The following KIAA0825 variants were observed in gnomAD, a reference collection of about 807,000 sequenced individuals.
KIAA0825 encodes KIAA0825.
KIAA0825 carries 119 observed loss-of-function variants against 147.6 expected under a neutral mutation model. The observed-to-expected ratio is 0.81, with a 90% CI of 0.69 to 0.94. KIAA0825 has a LOEUF of 0.94. Among genes scored for constraint, KIAA0825 ranks in the 40% least tolerant of loss-of-function variants. The pLI, the probability that KIAA0825 is intolerant of heterozygous loss-of-function variation, is 0.00. For missense variants in KIAA0825, 1,381 were observed against 1,472.7 expected (o/e 0.94, Z 1.02); for synonymous variants, 470 against 518.1 (o/e 0.91, Z 1.26).
chr5:94,216,403 T>C (rs1333752975), intron 20 of KIAA0825, among the ~76,000 whole-genome samples: 2 of 152,134 alleles, frequency 1.3e-5, no homozygotes, highest in Admixed American at 6.5e-5. Context: ...GAGAGAAACA[T>C]TGTTGGAAGC....
At chr5:94,157,246 C>G (rs1307977089) in intron 20 of KIAA0825, among the ~76,000 whole-genome samples, 4 of 152,072 alleles carry the variant, frequency 2.6e-5, no homozygotes, top group African/African-American at 9.7e-5. Context: ...TGAATTCCCC[C>G]ACCTGCCTAC....
At chr5:94,362,172 C>A (rs180851613) in intron 20 of KIAA0825, among the ~76,000 whole-genome samples, 63 of 152,256 alleles carry the variant, frequency 4.1e-4, no homozygotes, top group African/African-American at 1.5e-3. Flanking sequence ...CTACATAGGT[C>A]CTGCAATTGC....
intron 20 of KIAA0825, among the ~76,000 whole-genome samples, chr5:94,185,707 C>T (rs1167738341): frequency 6.6e-6 from 1 of 152,046 alleles, no homozygotes. Context: ...TATAAAAATT[C>T]CTAGTTCCAG....
intron 20 of KIAA0825, among the ~76,000 whole-genome samples, chr5:94,305,491 G>A (rs565014984): frequency 1.3e-5 from 2 of 151,916 alleles, no homozygotes; most frequent in African/African-American, 4.8e-5. Flanking sequence ...AGGGTTTCAC[G>A]ATGTAAAATG....
intron 20 of KIAA0825, among the ~76,000 whole-genome samples, chr5:94,328,279 A>G (rs993975290): frequency 2.6e-5 from 4 of 152,170 alleles, no homozygotes; most frequent in Non-Finnish European, 5.9e-5. Context: ...TTACTAATTT[A>G]TGTGTAATTA....
chr5:94,584,708 C>T (rs1421922332), intron 1 of KIAA0825, among the ~76,000 whole-genome samples: 2 of 151,980 alleles, frequency 1.3e-5, no homozygotes, highest in African/African-American at 4.8e-5. Flanking sequence ...AGATACTCCT[C>T]GAGAAGAGCA....
At chr5:94,187,409 T>G (rs1234818589) in intron 20 of KIAA0825, among the ~76,000 whole-genome samples, 6 of 149,234 alleles carry the variant, frequency 4.0e-5, no homozygotes, top group Non-Finnish European at 7.4e-5. Flanking sequence ...GGAGTTTTTT[T>G]TTTTTTTTTT....
chr5:94,525,488 A>G (rs1769095596), intron 3 of KIAA0825, among the ~76,000 whole-genome samples: 1 of 151,940 alleles, frequency 6.6e-6, no homozygotes, highest in Non-Finnish European at 1.5e-5. Context: ...CTCTGGCCAC[A>G]GGCCACTCAA....
Position 94,417,249 on chromosome 5 carries a change from T to A in KIAA0825, c.2614A>T (p.Ser872Cys). 6.4e-7 allele frequency: 1 copy of A among 1,551,070 alleles called. No individual in the cohort carries two copies. The highest frequency in any genetic ancestry group is 8.7e-7 in the Non-Finnish European group (1 of 1,146,582). ...CATAATTGCTCTTCTTCCATGTAGCTCACAAAAACGTTTGCAAATGTTTGT... is the reference window on the plus strand; with the variant it reads ...CATAATTGCTCTTCTTCCATGTAGCACACAAAAACGTTTGCAAATGTTTGT... ...SPQTFANVFV[S>C]YMEEEQLWDF... is the part of the protein sequence containing the mutation. The change falls in exon 15 of 21, where the codon AGC (serine) becomes TGC (cysteine). Residue 872 changes from serine to cysteine, a missense_variant. By Grantham distance (112) the Ser-to-Cys change is moderately radical (BLOSUM62 -1). Coordinates refer to ENST00000682413, the MANE Select transcript of KIAA0825 (RefSeq NM_001145678.3).
At chr5:94,396,555 C>A in intron 16 of KIAA0825, 46 bp from the exon 17 acceptor site, 2 of 1,410,186 alleles carry the variant, frequency 1.4e-6, no homozygotes, top group South Asian at 3.0e-5. Flanking sequence ...CATTTGCGTT[C>A]AATCACTGCA....
At chr5:94,589,556 T>G (rs1257056803) in intron 1 of KIAA0825, among the ~76,000 whole-genome samples, 1 of 152,224 alleles carries the variant, frequency 6.6e-6, no homozygotes, top group African/African-American at 2.4e-5. Flanking sequence ...ATAATTTCAC[T>G]TATTGAGGTC....
intron 3 of KIAA0825, among the ~76,000 whole-genome samples, chr5:94,532,825 T>TAA (rs61008891): frequency 2.2e-5 from 3 of 136,524 alleles, no homozygotes; most frequent in African/African-American, 2.7e-5. Context: ...TTCTTTAGAT[T>TAA]AAAAAAAAAA....
At chr5:94,345,596 A>T (rs1782890453) in intron 20 of KIAA0825, among the ~76,000 whole-genome samples, 1 of 152,180 alleles carries the variant, frequency 6.6e-6, no homozygotes, top group South Asian at 2.1e-4. Context: ...AATTTTCAGG[A>T]TTAAAAGTTT....
chr5:94,228,600 A>G (rs1489641976), intron 20 of KIAA0825, among the ~76,000 whole-genome samples: 2 of 152,158 alleles, frequency 1.3e-5, no homozygotes, highest in African/African-American at 4.8e-5. Flanking sequence ...ACTAAGTCAC[A>G]TGACCACATC....
Position 94,396,365 on chromosome 5 carries a change from G to A in KIAA0825, c.3032C>T (p.Ala1011Val), listed in dbSNP as rs1351833883. 1 of 1,550,808 alleles carries A rather than the reference G, an allele frequency of 6.4e-7. No homozygotes were observed. Among genetic ancestry groups the A allele is most frequent in the Non-Finnish European group, 8.7e-7 (1 of 1,146,768 alleles). The change falls in exon 17 of 21, where the codon GCT (alanine) becomes GTT (valine). Residue 1011 changes from alanine to valine, a missense_variant. Coordinates refer to ENST00000682413, the MANE Select transcript of KIAA0825 (RefSeq NM_001145678.3). ...AATCAAGTTCCAGACAAGCAGGCCA[G>A]CTTTCTTCAATTCAACAAATTTTTT... Reference protein sequence around the residue: ...MSKKFVELKKAGLLVWNLIVI... With the variant: ...MSKKFVELKKVGLLVWNLIVI...
At chr5:94,283,278 T>C (rs904849408) in intron 20 of KIAA0825, among the ~76,000 whole-genome samples, 2 of 152,132 alleles carry the variant, frequency 1.3e-5, no homozygotes, top group Admixed American at 1.3e-4. Flanking sequence ...TTATTTCCTT[T>C]TAACAGAAGA....
intron 18 of KIAA0825, among the ~76,000 whole-genome samples, chr5:94,388,731 C>T (rs1749514403): frequency 6.6e-6 from 1 of 152,212 alleles, no homozygotes; most frequent in South Asian, 2.1e-4. Flanking sequence ...CACTGACAGT[C>T]ATCACTAACC....
At chr5:94,375,107 C>T (rs1156405582) in intron 20 of KIAA0825, among the ~76,000 whole-genome samples, 2 of 148,926 alleles carry the variant, frequency 1.3e-5, no homozygotes, top group Non-Finnish European at 3.0e-5. Context: ...CCTCGGCTCA[C>T]TGCAACCTCT....
intron 20 of KIAA0825, among the ~76,000 whole-genome samples, chr5:94,224,649 T>A (rs1773999065): frequency 6.6e-6 from 1 of 152,064 alleles, no homozygotes; most frequent in Non-Finnish European, 1.5e-5. Context: ...AGTAAGTAAT[T>A]TTACTATTAA....
Sources: gnomAD v4.1 joint callset for allele counts (sites outside exome capture counted in the v4.1 genomes callset) on GRCh38, gnomAD v4.1.1 for gene constraint, MANE v1.5 for transcripts, NCBI Gene and HGNC (gene_info 2026-07-23, HGNC 2026-07-21) for gene names.